Variants in RNF213 observed in about 807,000 individuals in gnomAD.
RNF213 encodes ring finger protein 213, also known as E3 ubiquitin-protein ligase RNF213.
In RNF213, 341 loss-of-function variants were observed where a neutral mutation model predicts 514.4. The observed-to-expected ratio is 0.66, with a 90% CI of 0.61 to 0.73. The LOEUF (loss-of-function observed/expected upper bound fraction) is 0.73. Among genes scored for constraint, RNF213 ranks in the 30% least tolerant of loss-of-function variants. The probability of loss-of-function intolerance (pLI) is 0.00; values close to 1 mark genes in which losing one functional copy is unlikely to be tolerated. For missense variants in RNF213, 5,767 were observed against 6,615.6 expected (o/e 0.87, Z 4.45); for synonymous variants, 2,655 against 2,658.2 (o/e 1.00, Z 0.04).
intron 2 of RNF213, among the ~76,000 whole-genome samples, chr17:80,269,279 C>T (rs753195017): frequency 1.1e-4 from 17 of 152,190 alleles, no homozygotes; most frequent in Non-Finnish European, 2.2e-4. Context: ...ACTTTACCAA[C>T]TACCTAGGCA....
chr17:80,302,916 C>T (rs1454054256), intron 11 of RNF213, among the ~76,000 whole-genome samples: 1 of 152,162 alleles, frequency 6.6e-6, no homozygotes, highest in Non-Finnish European at 1.5e-5. Context: ...ATACTGAATA[C>T]TGGGTTATTT....
At chr17:80,368,724 C>T (rs1420176541) in intron 44 of RNF213, among the ~76,000 whole-genome samples, 1 of 152,180 alleles carries the variant, frequency 6.6e-6, no homozygotes, top group Admixed American at 6.5e-5. Context: ...TGAGTGACCA[C>T]ACCTGGCCGA....
chr17:80,261,678 G>A (rs994237878), intron 1 of RNF213, among the ~76,000 whole-genome samples: 10 of 152,220 alleles, frequency 6.6e-5, no homozygotes, highest in African/African-American at 2.4e-4. Flanking sequence ...TGGGTGCCTG[G>A]GGCTCTCTCT....
Position 80,354,581 on chromosome 17 carries a change from T to A in RNF213, c.10862+5T>A. On this transcript the variant is annotated splice_donor_5th_base_variant and intron_variant, in intron 36 of 67. Transcript: ENST00000582970. ...CCAGGAGGCGGGCACATTCAGGTAC[T>A]GTGACTAAAGGAAGCAAGGAGTGGC... 1 of 1,614,164 alleles carries A rather than the reference T, an allele frequency of 6.2e-7. No homozygotes were observed. The highest frequency in any genetic ancestry group is 8.5e-7 in the Non-Finnish European group (1 of 1,180,030).
At chr17:80,302,050 T>C (rs550866484) in intron 11 of RNF213, among the ~76,000 whole-genome samples, 5 of 152,206 alleles carry the variant, frequency 3.3e-5, no homozygotes, top group Non-Finnish European at 7.3e-5. Flanking sequence ...AAATACTGCA[T>C]ATTCCCACTC....
chr17:80,372,953 C>G, intron 48 of RNF213, 22 bp from the exon 49 acceptor site: 1 of 1,609,782 alleles, frequency 6.2e-7, no homozygotes, highest in Middle Eastern at 1.7e-4. Context: ...GCCACTCACC[C>G]GCTTTCTCGT....
chr17:80,290,801 TA>T, intron 7 of RNF213, 73 bp downstream of exon 7: 1 of 1,560,932 alleles, frequency 6.4e-7, no homozygotes, highest in Non-Finnish European at 8.7e-7. Flanking sequence ...ACACGTAGTT[TA>T]AAAAAATTTT....
In RNF213 at chr17:80,345,638, G is replaced by A. The variant is rs143081354; in HGVS notation, c.7303G>A (p.Asp2435Asn). Residue 2435 changes from aspartate to asparagine, a missense_variant, in exon 29 of 68, where the codon GAC becomes AAC. Asp to Asn is a conservative substitution (Grantham distance 23). Transcript: ENST00000582970. This position sits in a 1 kb window ranked among gnomAD's most constrained non-coding sequence, Gnocchi z 6.0. ...GKTRLIKFLS[D>N]LRRGGTNADT... ...AACCAGGCTTATTAAATTCCTTAGC[G>A]ACCTGCGGCGTGGTGGTACCAATGC... The A allele has an allele frequency of 3.7e-4, 591 of 1,614,160 alleles. No homozygotes were observed. The highest frequency in any genetic ancestry group is 4.6e-4 in the Non-Finnish European group (541 of 1,180,042).
intron 18 of RNF213, among the ~76,000 whole-genome samples, chr17:80,326,148 C>A (rs1489192881): frequency 6.6e-6 from 1 of 151,664 alleles, no homozygotes; most frequent in Non-Finnish European, 1.5e-5. Context: ...AAAACAAGGT[C>A]TTCTCTGTTG....
At position 80,373,151 on chromosome 17, in the gene RNF213, G is replaced by A. The variant is rs768573569; in HGVS notation, c.12928G>A (p.Val4310Ile). Residue 4310 changes from valine to isoleucine, a missense_variant, in exon 49 of 68, where the codon GTT (valine) becomes ATT (isoleucine). By Grantham distance (29) the Val-to-Ile change is conservative. Around this residue, in one of 13 missense-constraint regions of RNF213, gnomAD observed 1,245 missense variants for 1,339.0 expected, o/e 0.93. Coordinates refer to ENST00000582970, the MANE Select transcript of RNF213 (RefSeq NM_001256071.3). Reference protein sequence around the residue: ...RPHQWVFPKDVVKQQGLRQDH... With the variant: ...RPHQWVFPKDIVKQQGLRQDH... ...GCACCAGTGGGTGTTTCCCAAGGAC[G>A]TTGTCAAGCAGCAGGTGAGAAGCGG... 9 of 1,611,184 alleles carry A rather than the reference G, an allele frequency of 5.6e-6. No individual in the cohort carries two copies. The highest frequency in any genetic ancestry group is 5.5e-5 in the South Asian group (5 of 91,044).
chr17:80,313,926 G>A (rs1398086503), intron 15 of RNF213, among the ~76,000 whole-genome samples: 2 of 5,518 alleles, frequency 3.6e-4, no homozygotes, highest in Non-Finnish European at 6.4e-4. Context: ...GGTGGAGGTG[G>A]TGGAGGTAAT....
In RNF213 at chr17:80,372,680, C is replaced by A. The variant is rs777337727; in HGVS notation, c.12697C>A (p.Arg4233Ser). The change falls in exon 48 of 68, where the codon CGC becomes AGC. Residue 4233 changes from arginine (R) to serine (S), a missense_variant. Transcript: ENST00000582970. ...ATACCTGCAAGAGGTGGCCCGGATC[C>A]GCCTCTGCCTCGACAGAGCTGCAGA... Reference protein sequence around the residue: ...VEYLQEVARIRLCLDRAADFL... With the variant: ...VEYLQEVARISLCLDRAADFL... 1 of 1,614,024 alleles carries A rather than the reference C, an allele frequency of 6.2e-7. No homozygotes were observed.
chr17:80,343,067 C>T lies in RNF213; in HGVS notation c.5990-65C>T. ...AAGTGATCCCCCCGCCTCGGCCTCC[C>T]AAAGTGCTAGGATTACAGGTGTGAG... On this transcript the variant is annotated intron_variant, in intron 26 of 67. Coordinates refer to ENST00000582970, the MANE Select transcript of RNF213 (RefSeq NM_001256071.3). The surrounding 1 kb of genome is among the most constrained non-coding windows in gnomAD (Gnocchi z 4.3). 1 of 1,405,590 alleles carries T rather than the reference C, an allele frequency of 7.1e-7. No individual in the cohort carries two copies. The highest frequency in any genetic ancestry group is 1.0e-6 in the Non-Finnish European group (1 of 992,858). The allele number at this position is 1,405,590 out of a possible 1,614,324, so 87.1% of individuals were successfully genotyped here. A position where few individuals can be genotyped will look rare whatever the true frequency, so the allele number is the denominator to read the frequency against.
At chr17:80,283,827 A>T (rs1239339831) in intron 3 of RNF213, among the ~76,000 whole-genome samples, 1 of 152,190 alleles carries the variant, frequency 6.6e-6, no homozygotes, top group East Asian at 1.9e-4. Context: ...GAGCCTGATT[A>T]TGTCATCGAA....
chr17:80,363,266 C>T lies in RNF213; in HGVS notation c.11520C>T (p.His3840=). The T allele has an allele frequency of 1.2e-6, 2 of 1,614,118 alleles. No individual in the cohort carries two copies. Among genetic ancestry groups the T allele is most frequent in the Non-Finnish European group, 8.5e-7 (1 of 1,180,036 alleles). ...RILTIYPQVL[H]SLMEARWNHE... is the part of the protein sequence containing the mutation. ...TGACCATCTACCCTCAGGTTCTCCA[C>T]AGCCTGATGGAAGCCCGTTGGAACC... The change falls in exon 40 of 68, where the codon CAC becomes CAT. Residue 3840 remains histidine, a synonymous_variant. Coordinates refer to ENST00000582970, the MANE Select transcript of RNF213 (RefSeq NM_001256071.3).
Position 80,381,619 on chromosome 17 carries a change from C to G in RNF213, c.13870C>G (p.Leu4624Val). ...TCTGCAGCAGCACATCCTGAAGGAC[C>G]TGGAGCAGTTGGCCAAGATGCTGGG... ...GFLQQHILKDLEQLAKMLGHS... is the reference protein window; with the variant it reads ...GFLQQHILKDVEQLAKMLGHS... Residue 4624 changes from leucine to valine, a missense_variant, in exon 57 of 68, where the codon CTG (leucine) becomes GTG (valine). Around this residue, in one of 13 missense-constraint regions of RNF213, gnomAD observed 1,245 missense variants for 1,339.0 expected, o/e 0.93. Transcript: ENST00000582970. The G allele has an allele frequency of 6.2e-7, 1 of 1,614,212 alleles. No individual in the cohort carries two copies. The highest frequency in any genetic ancestry group is 8.5e-7 in the Non-Finnish European group (1 of 1,180,038).
intron 3 of RNF213, among the ~76,000 whole-genome samples, chr17:80,275,340 G>A (rs1263993031): frequency 6.6e-6 from 1 of 151,988 alleles, no homozygotes; most frequent in Admixed American, 6.6e-5. Flanking sequence ...AACTCTGTCA[G>A]AGTGGGAAAG....
At chr17:80,381,315 A>C in intron 56 of RNF213, 2 of 613,842 alleles carry the variant, frequency 3.3e-6, no homozygotes, top group Non-Finnish European at 2.9e-6. Flanking sequence ...CTGCATAACC[A>C]AGATGGCCAA....
At chr17:80,342,109 A>C (rs926145246) in intron 26 of RNF213, 1 of 152,298 alleles carries the variant, frequency 6.6e-6, no homozygotes, top group African/African-American at 2.4e-5. Context: ...GAATATGTTT[A>C]GATATTCAGA....
Sources: allele counts gnomAD v4.1 joint callset (sites outside exome capture counted in the v4.1 genomes callset), GRCh38; gene constraint gnomAD v4.1.1; regional missense constraint gnomAD v4.1.1; non-coding constraint Gnocchi (gnomAD v3.1); transcripts MANE v1.5; gene names NCBI Gene and HGNC (gene_info 2026-07-23, HGNC 2026-07-21).